The following ZBTB7C variants were observed in gnomAD, a reference collection of about 807,000 sequenced individuals.
ZBTB7C encodes zinc finger and BTB domain containing 7C, also known as zinc finger and BTB domain-containing protein 7C.
ZBTB7C carries 8 observed loss-of-function variants against 25.7 expected under a neutral mutation model. The ratio of observed to expected loss-of-function variants is 0.31; its 90% CI spans 0.18 to 0.56. The LOEUF (loss-of-function observed/expected upper bound fraction) is 0.56, where lower values mean the gene tolerates loss of function less well. Among genes scored for constraint, ZBTB7C ranks in the 20% least tolerant of loss-of-function variants. ZBTB7C has a pLI of 0.91. For missense variants in ZBTB7C, 824 were observed against 855.2 expected, an observed-to-expected ratio of 0.96 and a Z score of 0.46; for synonymous variants, 394 against 369.0, an observed-to-expected ratio of 1.07 and a Z score of -0.78.
Position 48,046,403 on chromosome 18 carries a change from G to C in ZBTB7C, c.-16-5280C>G, listed in dbSNP as rs142209336. Among the ~76,000 whole-genome samples the C allele has an allele frequency of 6.9e-3, 1,045 of 152,242 alleles. 16 individuals carry two copies. The highest frequency in any genetic ancestry group is 0.024 in the African/African-American group (1,001 of 41,548). On this transcript the variant is annotated intron_variant, in intron 3 of 4. Transcript: ENST00000590800. ...GGTAGCAGGGTCCTGACCCTCAAAG[G>C]GGTCTTCCCATCTGAAAAGACTGTG... is the stretch of plus-strand genomic sequence containing the variant.
intron 2 of ZBTB7C, among the ~76,000 whole-genome samples, chr18:48,310,763 G>T (rs1043594019): frequency 1.3e-5 from 2 of 152,216 alleles, no homozygotes; most frequent in African/African-American, 4.8e-5. Context: ...CTGCTCTGGG[G>T]AGTCTGAGAT....
rs1033552559 is a variant in ZBTB7C at position 48,060,721 on chromosome 18, T to G, written c.-16-19598A>C. ...TCCTGAATTAGGTGCCTGTCCTTCA[T>G]GTTCCCATCCTTCCCTCTCTCCTAG... is the stretch of plus-strand genomic sequence containing the variant. On this transcript the variant is annotated intron_variant, in intron 3 of 4. Transcript: ENST00000590800. 7.2e-5 allele frequency among the ~76,000 whole-genome samples: 11 copies of G among 152,166 alleles called. No individual in the cohort carries two copies. The East Asian group carries it at 1.9e-3, about 27-fold the overall frequency.
At chr18:48,403,879 A>T (rs2048217696) in intron 1 of ZBTB7C, among the ~76,000 whole-genome samples, 1 of 152,066 alleles carries the variant, frequency 6.6e-6, no homozygotes, top group Non-Finnish European at 1.5e-5. Context: ...GAGATAATAA[A>T]CAGGCCTATT....
chr18:48,104,059 A>G (rs1311073863), intron 3 of ZBTB7C, among the ~76,000 whole-genome samples: 1 of 152,158 alleles, frequency 6.6e-6, no homozygotes, highest in African/African-American at 2.4e-5. Context: ...AAAACTTTGA[A>G]TGGCACACTT....
chr18:48,029,993 C>T, intron 4 of ZBTB7C, 82 bp from the exon 5 acceptor site: 1 of 1,574,620 alleles, frequency 6.4e-7, no homozygotes. Context: ...TTCTCCAGAA[C>T]CAGCCGAGGC....
At chr18:48,112,674 A>T (rs889014085) in intron 3 of ZBTB7C, among the ~76,000 whole-genome samples, 3 of 152,162 alleles carry the variant, frequency 2.0e-5, no homozygotes, top group African/African-American at 7.2e-5. Flanking sequence ...AAAAAAGTTT[A>T]AAATTATGTG....
intron 2 of ZBTB7C, among the ~76,000 whole-genome samples, chr18:48,270,053 A>G (rs2044429014): frequency 6.6e-6 from 1 of 152,214 alleles, no homozygotes; most frequent in Admixed American, 6.5e-5. Context: ...AAGATAACTG[A>G]TGTAACACTA....
At chr18:48,345,473 C>T (rs1036801283) in intron 1 of ZBTB7C, among the ~76,000 whole-genome samples, 3 of 152,288 alleles carry the variant, frequency 2.0e-5, no homozygotes, top group East Asian at 1.9e-4. Context: ...CATGTTCACC[C>T]GACTCCCAAA....
In ZBTB7C at chr18:48,029,592, C is replaced by T; in HGVS notation, c.1528G>A (p.Ala510Thr). 1.3e-6 allele frequency: 2 copies of T among 1,493,692 alleles called. No individual in the cohort carries two copies. The highest frequency in any genetic ancestry group is 1.4e-5 in the African/African-American group (1 of 70,614). The allele number at this position is 1,493,692 out of a possible 1,614,324, so 92.5% of individuals were successfully genotyped here. ...PDKAAFVMPP[A>T]LGEVGGHLGG... ...AGGTGGCCGCCCACCTCGCCCAGCGCAGGGGGCATCACGAAGGCCGCCTTG... is the reference window on the plus strand; with the variant it reads ...AGGTGGCCGCCCACCTCGCCCAGCGTAGGGGGCATCACGAAGGCCGCCTTG... Residue 510 changes from alanine to threonine, a missense_variant, in exon 5 of 5, where the codon GCG becomes ACG. Coordinates refer to ENST00000590800, the MANE Select transcript of ZBTB7C (RefSeq NM_001318841.2).
At chr18:48,253,229 A>G (rs756746419) in intron 2 of ZBTB7C, among the ~76,000 whole-genome samples, 18 of 119,144 alleles carry the variant, frequency 1.5e-4, no homozygotes, top group Non-Finnish European at 2.6e-4. Context: ...GAGAAAAAGA[A>G]AAAAAATCCC....
chr18:48,336,378 G>A lies in ZBTB7C; in HGVS notation c.-79+1796C>T, dbSNP rs562725903. Among the ~76,000 whole-genome samples the A allele has an allele frequency of 6.6e-5, 10 of 152,276 alleles. No individual in the cohort carries two copies. The South Asian group carries it at 1.0e-3, about 16-fold the overall frequency. ...ATCACGGAAACAAGCTACATGTACCGATCACTTATTATGGTGCCAGCTGCT... is the reference window on the plus strand; with the variant it reads ...ATCACGGAAACAAGCTACATGTACCAATCACTTATTATGGTGCCAGCTGCT... On this transcript the variant is annotated intron_variant, in intron 2 of 4. Coordinates refer to ENST00000590800, the MANE Select transcript of ZBTB7C (RefSeq NM_001318841.2).
intron 2 of ZBTB7C, among the ~76,000 whole-genome samples, chr18:48,292,904 A>C (rs549419304): frequency 1.3e-5 from 2 of 152,254 alleles, no homozygotes; most frequent in East Asian, 3.9e-4. Flanking sequence ...GCTGCTATTC[A>C]TTGAGCCCTC....
chr18:48,316,737 A>T (rs1009120517), intron 2 of ZBTB7C, among the ~76,000 whole-genome samples: 3 of 152,202 alleles, frequency 2.0e-5, no homozygotes, highest in African/African-American at 7.2e-5. Context: ...CCATGCTTGC[A>T]CAGCCTGCAG....
Position 48,244,371 on chromosome 18 carries a change from C to T in ZBTB7C, c.-78-58376G>A, listed in dbSNP as rs149769325. 7.5e-3 allele frequency among the ~76,000 whole-genome samples: 1,146 copies of T among 152,122 alleles called. 12 individuals are homozygous for T. Among genetic ancestry groups the T allele is most frequent in the African/African-American group, 0.026 (1,073 of 41,486 alleles). ...TGGAGCTTGCAGTGAGCAGAGATTG[C>T]GCCACTGCACTCCAGCCTGGGCGAC... On this transcript the variant is annotated intron_variant, in intron 2 of 4. Coordinates refer to ENST00000590800, the MANE Select transcript of ZBTB7C (RefSeq NM_001318841.2).
chr18:48,066,963 G>T (rs546505791), intron 3 of ZBTB7C, among the ~76,000 whole-genome samples: 1 of 152,266 alleles, frequency 6.6e-6, no homozygotes, highest in South Asian at 2.1e-4. Flanking sequence ...TTAGCCGGGC[G>T]TGGTGGTGTG....
intron 3 of ZBTB7C, among the ~76,000 whole-genome samples, chr18:48,183,721 C>T (rs1259046439): frequency 6.6e-6 from 1 of 152,236 alleles, no homozygotes; most frequent in African/African-American, 2.4e-5. Context: ...TCATGACATT[C>T]TCGGGTCCTT....
intron 3 of ZBTB7C, among the ~76,000 whole-genome samples, chr18:48,075,397 G>C (rs1315504036): frequency 1.3e-5 from 2 of 152,306 alleles, no homozygotes; most frequent in African/African-American, 4.8e-5. Flanking sequence ...TGCCCAATAA[G>C]GAGAAGCCAG....
chr18:48,315,599 G>A (rs941972917), intron 2 of ZBTB7C, among the ~76,000 whole-genome samples: 5 of 152,114 alleles, frequency 3.3e-5, no homozygotes, highest in Non-Finnish European at 7.4e-5. Flanking sequence ...TTTGGGCAAA[G>A]TGGGAGGTAA....
Position 48,029,519 on chromosome 18 carries a change from A to G in ZBTB7C, c.1601T>C (p.Phe534Ser). 1 of 1,582,726 alleles carries G rather than the reference A, an allele frequency of 6.3e-7. No homozygotes were observed. Among genetic ancestry groups the G allele is most frequent in the Non-Finnish European group, 8.5e-7 (1 of 1,172,084 alleles). The stretch of plus-strand genomic sequence containing the variant: ...CAGGGCGCCCTTGGGCGCTGCCAGG[A>G]AGTGCTTGGCGGGGCTGGGGCCCGG... ...CLPGPSPAKH[F>S]LAAPKGALSL... Residue 534 changes from phenylalanine (F) to serine (S), a missense_variant, in exon 5 of 5, where the codon TTC becomes TCC. This residue lies in a region of ZBTB7C where 342 missense variants were observed against 307.0 expected (regional missense o/e 1.11). Coordinates refer to ENST00000590800, the MANE Select transcript of ZBTB7C (RefSeq NM_001318841.2).
Sources: gnomAD v4.1 joint callset for allele counts (sites outside exome capture counted in the v4.1 genomes callset) on GRCh38, gnomAD v4.1.1 for gene constraint, gnomAD v4.1.1 regional missense constraint, MANE v1.5 for transcripts, NCBI Gene and HGNC (gene_info 2026-07-23, HGNC 2026-07-21) for gene names.